TMEM117: variants seen among roughly 807,000 people sequenced by gnomAD.
TMEM117 encodes transmembrane protein 117.
A neutral mutation model predicts 52.4 loss-of-function variants in TMEM117; 27 were observed. That is an observed-to-expected ratio of 0.51 (90% CI 0.38 to 0.71). The LOEUF (loss-of-function observed/expected upper bound fraction) is 0.71. Among genes scored for constraint, TMEM117 ranks in the 30% least tolerant of loss-of-function variants. The pLI, the probability that TMEM117 is intolerant of heterozygous loss-of-function variation, is 0.00. For missense variants in TMEM117, 556 were observed against 630.5 expected (o/e 0.88, Z 1.26); for synonymous variants, 215 against 206.3 (o/e 1.04, Z -0.36).
At chr12:44,179,138 A>G (rs2138306269) in intron 4 of TMEM117, among the ~76,000 whole-genome samples, 1 of 152,260 alleles carries the variant, frequency 6.6e-6, no homozygotes, top group Middle Eastern at 3.4e-3. Context: ...AGTTGCAGTG[A>G]GCCGAGATCA....
chr12:44,144,883 C>G (rs1048558260), intron 4 of TMEM117, among the ~76,000 whole-genome samples: 1 of 152,184 alleles, frequency 6.6e-6, no homozygotes, highest in Non-Finnish European at 1.5e-5. Flanking sequence ...CTGGGCCGGG[C>G]GCGGTGGCTC....
intron 3 of TMEM117, among the ~76,000 whole-genome samples, chr12:43,997,188 T>G (rs1258643995): frequency 6.6e-6 from 1 of 152,206 alleles, no homozygotes; most frequent in African/African-American, 2.4e-5. Flanking sequence ...CAGATATATT[T>G]GACTCCAAAA....
At chr12:44,170,479 C>G (rs1362152500) in intron 4 of TMEM117, among the ~76,000 whole-genome samples, 6 of 151,964 alleles carry the variant, frequency 3.9e-5, no homozygotes, top group Non-Finnish European at 8.8e-5. Context: ...AAATCATTAC[C>G]AATTCCAATG....
intron 3 of TMEM117, among the ~76,000 whole-genome samples, chr12:44,067,759 G>A (rs1363687068): frequency 1.3e-5 from 2 of 152,092 alleles, no homozygotes; most frequent in Non-Finnish European, 2.9e-5. Context: ...TTTTTGAAAT[G>A]GTAAATGAGC....
chr12:43,998,977 A>G (rs965343475), intron 3 of TMEM117, among the ~76,000 whole-genome samples: 1 of 152,234 alleles, frequency 6.6e-6, no homozygotes, highest in African/African-American at 2.4e-5. Flanking sequence ...AATACAGATT[A>G]TAACCACAAT....
chr12:44,299,002 A>G (rs888529302), intron 5 of TMEM117, among the ~76,000 whole-genome samples: 3 of 150,548 alleles, frequency 2.0e-5, no homozygotes, highest in Non-Finnish European at 4.4e-5. Flanking sequence ...CTACACACCA[A>G]TGTTTTCTTG....
chr12:43,981,157 G>A lies in TMEM117; in HGVS notation c.410+36815G>A, dbSNP rs141495696. 7.2e-3 allele frequency among the ~76,000 whole-genome samples: 1,088 copies of A among 152,068 alleles called. 10 individuals carry two copies. The highest frequency in any genetic ancestry group is 0.025 in the African/African-American group (1,036 of 41,454). Reference sequence around the variant, plus strand: ...TATAACTTTTCCCACAACCCTGACCGATCTCCTACACCATGTCTAGCACAT... The same window carrying A: ...TATAACTTTTCCCACAACCCTGACCAATCTCCTACACCATGTCTAGCACAT... On this transcript the variant is annotated intron_variant, in intron 3 of 7. Transcript: ENST00000266534.
intron 3 of TMEM117, among the ~76,000 whole-genome samples, chr12:44,113,983 G>GT (rs1211524837): frequency 7.1e-6 from 1 of 140,602 alleles, no homozygotes; most frequent in Non-Finnish European, 1.5e-5. Flanking sequence ...AGGTGTGTCC[G>GT]TCACCCCTTT....
intron 3 of TMEM117, among the ~76,000 whole-genome samples, chr12:44,048,854 T>A (rs1946921615): frequency 6.6e-6 from 1 of 152,198 alleles, no homozygotes; most frequent in Non-Finnish European, 1.5e-5. Context: ...AAAAGAAAGC[T>A]TTTGGAAATA....
At chr12:44,216,005 C>CTTTCT (rs1555136266) in intron 5 of TMEM117, among the ~76,000 whole-genome samples, 118 of 110,824 alleles carry the variant, frequency 1.1e-3, no homozygotes, top group Non-Finnish European at 1.6e-3. Context: ...TTCTTTCTTT[C>CTTTCT]TTTTTTTTTT....
chr12:44,132,382 A>C (rs2138171813), intron 3 of TMEM117, among the ~76,000 whole-genome samples: 1 of 151,986 alleles, frequency 6.6e-6, no homozygotes, highest in East Asian at 1.9e-4. Flanking sequence ...GGTGGGGTGA[A>C]AGTCATTTCC....
chr12:43,894,732 T>C (rs1944168705), intron 2 of TMEM117, among the ~76,000 whole-genome samples: 1 of 152,204 alleles, frequency 6.6e-6, no homozygotes, highest in South Asian at 2.1e-4. Flanking sequence ...GATCTCATTC[T>C]TTTTGTGGCT....
At chr12:44,172,320 A>T (rs1949057601) in intron 4 of TMEM117, among the ~76,000 whole-genome samples, 1 of 152,162 alleles carries the variant, frequency 6.6e-6, no homozygotes, top group East Asian at 1.9e-4. Context: ...TGCTTCCTCT[A>T]AGCCACTAGA....
chr12:44,359,495 A>G (rs77130918), intron 6 of TMEM117, among the ~76,000 whole-genome samples: 4,231 of 152,142 alleles, frequency 0.028, 96 homozygotes, highest in African/African-American at 0.055. Context: ...TATATATCAT[A>G]AAGTTTGCAT....
At chr12:44,030,306 A>G (rs1267027205) in intron 3 of TMEM117, among the ~76,000 whole-genome samples, 1 of 152,200 alleles carries the variant, frequency 6.6e-6, no homozygotes, top group East Asian at 1.9e-4. Context: ...CAATTTACCT[A>G]CCTTGGAGCA....
chr12:44,075,228 G>A (rs927962540), intron 3 of TMEM117, among the ~76,000 whole-genome samples: 5 of 152,186 alleles, frequency 3.3e-5, no homozygotes, highest in African/African-American at 1.2e-4. Context: ...TGGGGATGTT[G>A]TATTAGGAAC....
chr12:44,079,266 T>C (rs1022180274), intron 3 of TMEM117, among the ~76,000 whole-genome samples: 2 of 152,230 alleles, frequency 1.3e-5, no homozygotes, highest in Non-Finnish European at 2.9e-5. Flanking sequence ...TTTCTAGTTC[T>C]AGATCCTTGA....
At chr12:44,192,800 A>G (rs1404264512) in intron 4 of TMEM117, among the ~76,000 whole-genome samples, 2 of 152,194 alleles carry the variant, frequency 1.3e-5, no homozygotes, top group Non-Finnish European at 2.9e-5. Flanking sequence ...TGAACCAGCT[A>G]TCAAGCCTCT....
chr12:44,375,590 T>C (rs756904950), intron 6 of TMEM117, among the ~76,000 whole-genome samples: 21 of 152,204 alleles, frequency 1.4e-4, no homozygotes, highest in Non-Finnish European at 2.2e-4. Context: ...GCTGCATATA[T>C]AAAAATCTCA....
Sources: gnomAD v4.1 joint callset for allele counts (sites outside exome capture counted in the v4.1 genomes callset) on GRCh38, gnomAD v4.1.1 for gene constraint, MANE v1.5 for transcripts, NCBI Gene and HGNC (gene_info 2026-07-23, HGNC 2026-07-21) for gene names.